The following IQGAP2 variants were observed in gnomAD, a reference collection of about 807,000 sequenced individuals.
IQGAP2 encodes the protein ras GTPase-activating-like protein IQGAP2.
Under a neutral mutation model 201.3 loss-of-function variants are expected in IQGAP2, and 173 were observed. The observed-to-expected ratio is 0.86, with a 90% CI of 0.76 to 0.98. The LOEUF is 0.98. IQGAP2 is among the 50% of genes least tolerant of loss of function. The pLI is 0.00. For synonymous variants in IQGAP2, 675 were observed against 673.9 expected (o/e 1.00, Z -0.03); for missense variants, 1,687 against 1,864.8 (o/e 0.90, Z 1.76).
At chr5:76,692,477 C>A (rs975251468) in intron 30 of IQGAP2, among the ~76,000 whole-genome samples, 2 of 152,046 alleles carry the variant, frequency 1.3e-5, no homozygotes, top group African/African-American at 2.4e-5. Flanking sequence ...AGAAGGAAAG[C>A]CTTTTCCAAT....
chr5:76,566,943 T>C (rs2150263406), intron 3 of IQGAP2, among the ~76,000 whole-genome samples: 1 of 151,988 alleles, frequency 6.6e-6, no homozygotes, highest in African/African-American at 2.4e-5. Flanking sequence ...CCAAGCAGAC[T>C]GGGGCAGGCA....
chr5:76,683,006 A>T (rs1340272305), intron 28 of IQGAP2, 109 bp from the exon 29 acceptor site: 3 of 588,196 alleles, frequency 5.1e-6, no homozygotes, highest in African/African-American at 1.9e-5. Flanking sequence ...TCATACTCAT[A>T]TTTAAGATTT....
chr5:76,439,539 A>G (rs1752912901), intron 1 of IQGAP2, among the ~76,000 whole-genome samples: 1 of 152,110 alleles, frequency 6.6e-6, no homozygotes, highest in African/African-American at 2.4e-5. Flanking sequence ...AGGTGCACAT[A>G]TGTTTAGGTG....
intron 1 of IQGAP2, among the ~76,000 whole-genome samples, chr5:76,421,105 A>T (rs1344007129): frequency 6.6e-6 from 1 of 152,218 alleles, no homozygotes; most frequent in African/African-American, 2.4e-5. Flanking sequence ...TTGCCAGATC[A>T]TATGGTAATT....
rs140188703 is a variant in IQGAP2, at chr5:76,674,558, G to A, written c.3376G>A (p.Ala1126Thr). The change falls in exon 27 of 36, where the codon GCT becomes ACT. Residue 1126 changes from alanine to threonine, a missense_variant. Physicochemically the swap from Ala to Thr is moderately conservative, Grantham distance 58. Coordinates refer to ENST00000274364, the MANE Select transcript of IQGAP2 (RefSeq NM_006633.5). ...PDGFDIIDMTAGGQINSDQRR... is the reference protein window; with the variant it reads ...PDGFDIIDMTTGGQINSDQRR... ...TGGCTTTGATATCATCGACATGACA[G>A]CTGGAGGTCAGATAAATTCTGACCA... 3.7e-6 allele frequency: 6 copies of A among 1,613,974 alleles called. No homozygotes were observed. Among genetic ancestry groups the A allele is most frequent in the Non-Finnish European group, 5.1e-6 (6 of 1,179,976 alleles).
At position 76,413,156 on chromosome 5, in the gene IQGAP2, C is replaced by CTTTTTTT. The variant is rs567410789; in HGVS notation, c.46+9589_46+9595dup. Among the ~76,000 whole-genome samples the CTTTTTTT allele has an allele frequency of 3.9e-3, 329 of 83,696 alleles. 5 individuals are homozygous for CTTTTTTT. Among genetic ancestry groups the CTTTTTTT allele is most frequent in the Non-Finnish European group, 5.2e-3 (240 of 46,216 alleles). 54.9% of individuals were successfully genotyped at this position (83,696 alleles called of 152,430 possible). A position where few individuals can be genotyped will look rare whatever the true frequency, so the allele number is the denominator to read the frequency against. On this transcript the variant is annotated intron_variant, in intron 1 of 35. Coordinates refer to ENST00000274364, the MANE Select transcript of IQGAP2 (RefSeq NM_006633.5). ...TATTTTCTTTTTTCTTTTCTTTTCT[C>CTTTTTTT]TTTTTTTTTTTTTTTTTTTTTTTTT...
intron 2 of IQGAP2, among the ~76,000 whole-genome samples, chr5:76,535,001 A>G (rs1472173282): frequency 6.6e-6 from 1 of 152,172 alleles, no homozygotes; most frequent in Non-Finnish European, 1.5e-5. Context: ...ATGAAGTTGG[A>G]GCGTGGCATG....
intron 2 of IQGAP2, among the ~76,000 whole-genome samples, chr5:76,481,136 G>A (rs761355700): frequency 2.0e-5 from 3 of 152,120 alleles, no homozygotes; most frequent in Non-Finnish European, 2.9e-5. Flanking sequence ...CAATGGTGAT[G>A]AAGTTTCAAC....
At chr5:76,429,550 C>T (rs1459680095) in intron 1 of IQGAP2, among the ~76,000 whole-genome samples, 8 of 138,572 alleles carry the variant, frequency 5.8e-5, no homozygotes, top group East Asian at 2.1e-4. Context: ...CCAGCCTGGG[C>T]GACAGAGCGA....
intron 2 of IQGAP2, among the ~76,000 whole-genome samples, chr5:76,491,683 C>T (rs1756552145): frequency 6.6e-6 from 1 of 152,164 alleles, no homozygotes; most frequent in Non-Finnish European, 1.5e-5. Context: ...CCTCTGATAG[C>T]CGTCAGCAAA....
At chr5:76,578,319 CT>C (rs77800513) in intron 5 of IQGAP2, among the ~76,000 whole-genome samples, 81,137 of 148,236 alleles carry the variant, frequency 0.55, 22,647 homozygotes, top group South Asian at 0.74. Context: ...TGGATGGCAT[CT>C]TTTTTTTTTT....
Position 76,683,820 on chromosome 5 carries a change from C to G in IQGAP2, c.3808C>G (p.Leu1270Val). Residue 1270 changes from leucine to valine, a missense_variant, in exon 30 of 36, where the codon CTA becomes GTA. By Grantham distance (32) the Leu-to-Val change is conservative. Transcript: ENST00000274364. The stretch of plus-strand genomic sequence containing the variant: ...CAATGACCCTAACAAGGCAAATACA[C>G]TAAGTCAGCTTTCAAAGACCGAGAT... ...DPNDPNKANT[L>V]SQLSKTEISL... The G allele has an allele frequency of 1.2e-6, 2 of 1,613,624 alleles. No homozygotes were observed. The highest frequency in any genetic ancestry group is 1.7e-6 in the Non-Finnish European group (2 of 1,179,750).
Position 76,658,566 on chromosome 5 carries a change from G to A in IQGAP2, c.2428G>A (p.Glu810Lys). ...ACTAGAGGTTGCACGATTAAGGGAAGAAGTAGTGACCAAGATCAGGGCCAA... is the reference window on the plus strand; with the variant it reads ...ACTAGAGGTTGCACGATTAAGGGAAAAAGTAGTGACCAAGATCAGGGCCAA... The part of the protein sequence containing the change: ...EELEVARLRE[E>K]VVTKIRANQQ... Residue 810 changes from glutamate to lysine, a missense_variant, in exon 21 of 36, where the codon GAA becomes AAA. Coordinates refer to ENST00000274364, the MANE Select transcript of IQGAP2 (RefSeq NM_006633.5). The A allele has an allele frequency of 6.2e-7, 1 of 1,614,134 alleles. No individual in the cohort carries two copies. The highest frequency in any genetic ancestry group is 8.5e-7 in the Non-Finnish European group (1 of 1,180,004).
intron 12 of IQGAP2, chr5:76,607,719 GT>G (rs1416454080): frequency 6.6e-6 from 1 of 152,318 alleles, no homozygotes; most frequent in Non-Finnish European, 1.5e-5. Flanking sequence ...ACTGCTCCTA[GT>G]GTCCCGCTAC....
At chr5:76,435,122 A>G (rs1011958810) in intron 1 of IQGAP2, among the ~76,000 whole-genome samples, 6 of 150,274 alleles carry the variant, frequency 4.0e-5, no homozygotes, top group African/African-American at 1.5e-4. Flanking sequence ...TTGTATGCAT[A>G]GTTTGCAAAT....
intron 2 of IQGAP2, among the ~76,000 whole-genome samples, chr5:76,509,010 A>G (rs1294573159): frequency 6.8e-6 from 1 of 147,108 alleles, no homozygotes; most frequent in Non-Finnish European, 1.5e-5. Context: ...TTTTTGGTAA[A>G]CAGTTTGGCT....
At chr5:76,480,333 T>C (rs1426556658) in intron 2 of IQGAP2, among the ~76,000 whole-genome samples, 2 of 152,218 alleles carry the variant, frequency 1.3e-5, no homozygotes, top group Admixed American at 6.5e-5. Context: ...ATGGCCCTTC[T>C]TTCTCGCAGC....
chr5:76,594,293 CT>C (rs1244310776), intron 9 of IQGAP2, among the ~76,000 whole-genome samples: 1 of 152,170 alleles, frequency 6.6e-6, no homozygotes, highest in Admixed American at 6.5e-5. Flanking sequence ...GCTCCATAGC[CT>C]TTAACCATCC....
chr5:76,605,419 T>C (rs1290260257), intron 11 of IQGAP2, among the ~76,000 whole-genome samples: 1 of 152,174 alleles, frequency 6.6e-6, no homozygotes, highest in Non-Finnish European at 1.5e-5. Flanking sequence ...GGTCTTTAAC[T>C]CCTGGGCTCA....
Sources: allele counts gnomAD v4.1 joint callset (sites outside exome capture counted in the v4.1 genomes callset), GRCh38; gene constraint gnomAD v4.1.1; transcripts MANE v1.5; gene names NCBI Gene and HGNC (gene_info 2026-07-23, HGNC 2026-07-21).